The following ITGB6 variants were observed in gnomAD, a reference collection of about 807,000 sequenced individuals.
ITGB6 encodes the protein integrin subunit beta 6.
ITGB6 carries 80 observed loss-of-function variants against 84.5 expected under a neutral mutation model. The ratio of observed to expected loss-of-function variants is 0.95; its 90% CI spans 0.79 to 1.14. The LOEUF (loss-of-function observed/expected upper bound fraction) is 1.14, where lower values mean the gene tolerates loss of function less well. Among genes scored for constraint, ITGB6 ranks in the 50% most tolerant of loss-of-function variants. The pLI is 0.00. For missense variants in ITGB6, 1,006 were observed against 968.0 expected, an observed-to-expected ratio of 1.04 and a Z score of -0.52; for synonymous variants, 383 against 354.9, an observed-to-expected ratio of 1.08 and a Z score of -0.89.
chr2:160,121,006 C>T (rs939346880), intron 12 of ITGB6, among the ~76,000 whole-genome samples: 16 of 150,860 alleles, frequency 1.1e-4, no homozygotes, highest in Non-Finnish European at 1.6e-4. Flanking sequence ...CACATGTATA[C>T]ATATGTAACA....
At chr2:160,150,237 C>G (rs752736046) in intron 7 of ITGB6, among the ~76,000 whole-genome samples, 1 of 152,172 alleles carries the variant, frequency 6.6e-6, no homozygotes, top group Non-Finnish European at 1.5e-5. Context: ...AAGGGAAGCC[C>G]ATCAGATTAA....
intron 14 of ITGB6, among the ~76,000 whole-genome samples, chr2:160,107,425 G>A (rs1574031584): frequency 6.6e-6 from 1 of 152,146 alleles, no homozygotes; most frequent in Admixed American, 6.5e-5. Context: ...CTAAGCAGCT[G>A]TCTCAGGAGC....
intron 7 of ITGB6, among the ~76,000 whole-genome samples, chr2:160,145,036 T>C (rs1684137699): frequency 2.0e-5 from 3 of 152,256 alleles, no homozygotes; most frequent in Admixed American, 6.5e-5. Flanking sequence ...ACTTTAAATA[T>C]TGTAGTATTA....
intron 7 of ITGB6, among the ~76,000 whole-genome samples, chr2:160,162,341 T>C (rs1684849924): frequency 6.6e-6 from 1 of 152,076 alleles, no homozygotes; most frequent in South Asian, 2.1e-4. Flanking sequence ...ACTACATAAT[T>C]AGTTATGGAT....
chr2:160,114,854 C>T (rs898204612), intron 12 of ITGB6, among the ~76,000 whole-genome samples: 2 of 152,242 alleles, frequency 1.3e-5, no homozygotes, highest in Admixed American at 1.3e-4. Context: ...AGATTATATC[C>T]TGCACTTGGC....
intron 7 of ITGB6, among the ~76,000 whole-genome samples, chr2:160,167,862 C>A (rs1685060521): frequency 6.6e-6 from 1 of 152,190 alleles, no homozygotes; most frequent in Non-Finnish European, 1.5e-5. Context: ...TTCTGTGCAA[C>A]TCCTCCTCCC....
At chr2:160,122,966 C>T (rs983081819) in intron 12 of ITGB6, among the ~76,000 whole-genome samples, 2 of 152,228 alleles carry the variant, frequency 1.3e-5, no homozygotes, top group African/African-American at 4.8e-5. Flanking sequence ...AGTAGCAATT[C>T]TACCCTGAGC....
intron 4 of ITGB6, among the ~76,000 whole-genome samples, chr2:160,181,115 C>T (rs924987438): frequency 2.6e-5 from 4 of 152,036 alleles, no homozygotes; most frequent in Admixed American, 6.6e-5. Context: ...ACCCCAGTGG[C>T]GCTTGGAATT....
chr2:160,195,496 C>G lies in ITGB6; in HGVS notation c.466G>C (p.Gly156Arg). 6.2e-7 allele frequency: 1 copy of G among 1,614,154 alleles called. No homozygotes were observed. The highest frequency in any genetic ancestry group is 1.1e-5 in the South Asian group (1 of 91,080). ...GACATCTCTTTGGAAAGCCGGGAGC[C>G]CAGCTCCTTTATTGTGTTGAGGTCG... is the stretch of plus-strand genomic sequence containing the variant. ...DDDLNTIKEL[G>R]SRLSKEMSKL... Residue 156 changes from glycine to arginine, a missense_variant, in exon 4 of 15, where the codon GGC (glycine) becomes CGC (arginine). By Grantham distance (125) the Gly-to-Arg change is moderately radical. Coordinates refer to ENST00000283249, the MANE Select transcript of ITGB6 (RefSeq NM_000888.5).
chr2:160,138,065 T>C lies in ITGB6; in HGVS notation c.1242A>G (p.Thr414=), dbSNP rs1683831096. Residue 414 remains threonine, a splice_region_variant and synonymous_variant, in exon 9 of 15, where the codon ACA becomes ACG. Coordinates refer to ENST00000283249, the MANE Select transcript of ITGB6 (RefSeq NM_000888.5). ...GACTATCTACTGGCCAGCTACTTACTGTGTCTCCCACTTTCATGTGAGAGC... is the reference window on the plus strand; with the variant it reads ...GACTATCTACTGGCCAGCTACTTACCGTGTCTCCCACTTTCATGTGAGAGC... The part of the protein sequence containing the change: ...KKCSHMKVGD[T]ASFSVTVNIP... 1 of 1,611,040 alleles carries C rather than the reference T, an allele frequency of 6.2e-7. No individual in the cohort carries two copies. The highest frequency in any genetic ancestry group is 8.5e-7 in the Non-Finnish European group (1 of 1,178,940).
chr2:160,188,686 C>T (rs1034078473), intron 4 of ITGB6, among the ~76,000 whole-genome samples: 2 of 151,998 alleles, frequency 1.3e-5, no homozygotes, highest in Admixed American at 6.6e-5. Context: ...TCACTGCAAC[C>T]TCCGCCTCCC....
At chr2:160,128,951 A>G (rs1457238) in intron 10 of ITGB6, among the ~76,000 whole-genome samples, 101,504 of 151,832 alleles carry the variant, frequency 0.67, 34,314 homozygotes, top group Admixed American at 0.74. Context: ...TTTGGGATCC[A>G]TTAGGGAAAG....
In ITGB6 at chr2:160,101,319, T is replaced by C. The variant is rs186620998; in HGVS notation, c.*417A>G. ...AGAGAGGGCATATTTCCTACAAGTTTAGAATTAATTGGCAAGTATAGACAC... is the reference window on the plus strand; with the variant it reads ...AGAGAGGGCATATTTCCTACAAGTTCAGAATTAATTGGCAAGTATAGACAC... On this transcript the variant is annotated 3_prime_UTR_variant, in exon 15 of 15. Transcript: ENST00000283249. 61 of 158,676 alleles carry C rather than the reference T, an allele frequency of 3.8e-4. No homozygotes were observed. Among genetic ancestry groups the C allele is most frequent in the Non-Finnish European group, 6.6e-4 (48 of 72,860 alleles). The allele number at this position is 158,676 out of a possible 1,614,324, so 9.8% of individuals were successfully genotyped here.
intron 8 of ITGB6, among the ~76,000 whole-genome samples, chr2:160,140,526 C>T (rs901503560): frequency 2.0e-5 from 3 of 152,012 alleles, no homozygotes; most frequent in African/African-American, 4.8e-5. Flanking sequence ...GTATTGGATT[C>T]GAAAAAATGG....
At chr2:160,198,367 C>T (rs1196846712) in intron 2 of ITGB6, among the ~76,000 whole-genome samples, 1 of 152,154 alleles carries the variant, frequency 6.6e-6, no homozygotes, top group Non-Finnish European at 1.5e-5. Flanking sequence ...AGTTTGGTGT[C>T]GAGGTTTGTT....
intron 7 of ITGB6, among the ~76,000 whole-genome samples, chr2:160,156,737 T>C (rs917075876): frequency 6.6e-6 from 1 of 152,176 alleles, no homozygotes; most frequent in Non-Finnish European, 1.5e-5. Flanking sequence ...TGTAGTTAAC[T>C]TTCCTGATGT....
chr2:160,118,396 G>T (rs374773138), intron 12 of ITGB6, among the ~76,000 whole-genome samples: 1 of 151,928 alleles, frequency 6.6e-6, no homozygotes, highest in Non-Finnish European at 1.5e-5. Flanking sequence ...GCATATAAAC[G>T]GAACCAAAGA....
intron 4 of ITGB6, among the ~76,000 whole-genome samples, chr2:160,181,073 A>T (rs1422188264): frequency 6.6e-6 from 1 of 152,154 alleles, no homozygotes; most frequent in Non-Finnish European, 1.5e-5. Context: ...GTTTGGGCAG[A>T]CAGCGAGCTA....
At chr2:160,153,902 A>G (rs1467875608) in intron 7 of ITGB6, among the ~76,000 whole-genome samples, 1 of 152,220 alleles carries the variant, frequency 6.6e-6, no homozygotes, top group East Asian at 1.9e-4. Context: ...CACACTAATT[A>G]GAATGGTGAT....
Sources: allele counts gnomAD v4.1 joint callset (sites outside exome capture counted in the v4.1 genomes callset), GRCh38; gene constraint gnomAD v4.1.1; transcripts MANE v1.5; gene names NCBI Gene and HGNC (gene_info 2026-07-23, HGNC 2026-07-21).